The following SHTN1 variants were observed in gnomAD, a reference collection of about 807,000 sequenced individuals.
SHTN1 encodes shootin-1.
Under a neutral mutation model 83.1 loss-of-function variants are expected in SHTN1, and 42 were observed. The ratio of observed to expected loss-of-function variants is 0.51; its 90% CI spans 0.39 to 0.65. The LOEUF (loss-of-function observed/expected upper bound fraction) is 0.65, where lower values mean the gene tolerates loss of function less well. Among genes scored for constraint, SHTN1 ranks in the 30% least tolerant of loss-of-function variants. SHTN1 has a pLI of 0.00. For missense variants in SHTN1, 622 were observed against 737.8 expected, an observed-to-expected ratio of 0.84 and a Z score of 1.82; for synonymous variants, 224 against 247.7, an observed-to-expected ratio of 0.90 and a Z score of 0.90.
chr10:116,948,848 G>A, intron 7 of SHTN1, 68 bp downstream of exon 7: 1 of 1,090,676 alleles, frequency 9.2e-7, no homozygotes, highest in South Asian at 2.4e-5. Context: ...GGTGTAAAAT[G>A]ACACACAATA....
At chr10:116,982,488 A>T (rs1206697914) in intron 1 of SHTN1, among the ~76,000 whole-genome samples, 1 of 152,186 alleles carries the variant, frequency 6.6e-6, no homozygotes, top group Admixed American at 6.5e-5. Context: ...AACTGGCAAA[A>T]ACTGAAGTGA....
chr10:116,912,755 A>T (rs1589800788), intron 13 of SHTN1, among the ~76,000 whole-genome samples: 1 of 152,316 alleles, frequency 6.6e-6, no homozygotes, highest in South Asian at 2.1e-4. Context: ...GGAAACTTGC[A>T]AGACATAGTG....
intron 6 of SHTN1, among the ~76,000 whole-genome samples, chr10:116,949,578 T>A (rs922983957): frequency 6.6e-6 from 1 of 152,226 alleles, no homozygotes; most frequent in Non-Finnish European, 1.5e-5. Context: ...GACAAGTTAA[T>A]GGGTGCAGCA....
Position 116,884,106 on chromosome 10 carries a change from A to G in SHTN1, c.*2238T>C. 2 of 415,472 alleles carry G rather than the reference A, an allele frequency of 4.8e-6. No individual in the cohort carries two copies. The highest frequency in any genetic ancestry group is 9.9e-6 in the Non-Finnish European group (2 of 201,116). 25.7% of individuals were successfully genotyped at this position (415,472 alleles called of 1,614,324 possible). Reference sequence around the variant, plus strand: ...GAAGCATAAATAACCTTTTAGAGAAATCAAAAACATAAAGATGCAGTCTTT... The same window carrying G: ...GAAGCATAAATAACCTTTTAGAGAAGTCAAAAACATAAAGATGCAGTCTTT... On this transcript the variant is annotated 3_prime_UTR_variant, in exon 17 of 17. Transcript: ENST00000355371.
At chr10:116,980,030 G>A (rs984913424) in intron 1 of SHTN1, among the ~76,000 whole-genome samples, 1 of 151,868 alleles carries the variant, frequency 6.6e-6, no homozygotes, top group African/African-American at 2.4e-5. Flanking sequence ...TAGGTAGAGG[G>A]GAAAGTTGTG....
At chr10:117,065,782 A>G (rs1457975313) in intron 1 of SHTN1, among the ~76,000 whole-genome samples, 4 of 12,466 alleles carry the variant, frequency 3.2e-4, no homozygotes, top group South Asian at 0.012. Context: ...GAAAGAAAGA[A>G]AGGAAGGAAG....
intron 2 of SHTN1, among the ~76,000 whole-genome samples, chr10:117,043,439 A>G (rs1343082835): frequency 6.6e-6 from 1 of 152,230 alleles, no homozygotes; most frequent in East Asian, 1.9e-4. Context: ...TTGTACTACA[A>G]TGTTAATATA....
intron 1 of SHTN1, among the ~76,000 whole-genome samples, chr10:116,985,576 C>A (rs916733935): frequency 6.6e-6 from 1 of 152,076 alleles, no homozygotes; most frequent in Admixed American, 6.5e-5. Context: ...TTCACGTGAG[C>A]AAATCATGAA....
At chr10:116,993,762 T>C (rs1051925913) in intron 1 of SHTN1, among the ~76,000 whole-genome samples, 3 of 152,166 alleles carry the variant, frequency 2.0e-5, no homozygotes, top group Non-Finnish European at 4.4e-5. Flanking sequence ...TAAAATAATA[T>C]ATTTTATAAT....
At chr10:117,078,249 A>G (rs1433579918) in intron 1 of SHTN1, among the ~76,000 whole-genome samples, 1 of 152,162 alleles carries the variant, frequency 6.6e-6, no homozygotes, top group Admixed American at 6.6e-5. Context: ...TCTGAAGACA[A>G]AGCACAATCG....
intron 9 of SHTN1, among the ~76,000 whole-genome samples, chr10:116,936,691 C>A (rs959912890): frequency 1.3e-5 from 2 of 152,006 alleles, no homozygotes; most frequent in Admixed American, 1.3e-4. Flanking sequence ...TCTGCTTGGT[C>A]CAGGGCTGAG....
intron 11 of SHTN1, among the ~76,000 whole-genome samples, chr10:116,924,169 T>C (rs1848655661): frequency 6.6e-6 from 1 of 152,300 alleles, no homozygotes; most frequent in Non-Finnish European, 1.5e-5. Flanking sequence ...CTAGAAGTTA[T>C]AAAGAATAAA....
At chr10:117,037,184 G>C (rs990637594) in intron 2 of SHTN1, among the ~76,000 whole-genome samples, 1 of 152,108 alleles carries the variant, frequency 6.6e-6, no homozygotes, top group South Asian at 2.1e-4. Context: ...CATGCCTGTA[G>C]TCCCAGTGCT....
At chr10:116,981,596 T>C (rs962423952) in intron 1 of SHTN1, among the ~76,000 whole-genome samples, 16 of 152,222 alleles carry the variant, frequency 1.1e-4, no homozygotes, top group African/African-American at 2.9e-4. Flanking sequence ...GTATCTTAAA[T>C]TGTTTCAAAA....
At chr10:116,986,821 C>T (rs1405291632) in intron 1 of SHTN1, among the ~76,000 whole-genome samples, 3 of 147,062 alleles carry the variant, frequency 2.0e-5, no homozygotes, top group African/African-American at 5.0e-5. Flanking sequence ...TTCTGCCTTC[C>T]GGGTTCAAGC....
chr10:117,085,361 A>G (rs921213093), intron 1 of SHTN1, among the ~76,000 whole-genome samples: 2 of 152,130 alleles, frequency 1.3e-5, no homozygotes, highest in Non-Finnish European at 2.9e-5. Flanking sequence ...TTAGTTGAAA[A>G]TATTTTTAAA....
chr10:116,897,521 G>T (rs1847565765), intron 16 of SHTN1, among the ~76,000 whole-genome samples: 1 of 152,158 alleles, frequency 6.6e-6, no homozygotes, highest in African/African-American at 2.4e-5. Flanking sequence ...TAAACAACTT[G>T]TCCAAGTCAT....
At chr10:117,070,866 G>A (rs956011724) in intron 1 of SHTN1, among the ~76,000 whole-genome samples, 4 of 151,774 alleles carry the variant, frequency 2.6e-5, no homozygotes, top group Non-Finnish European at 5.9e-5. Context: ...GCCACTCAGG[G>A]GGCATTAAAC....
chr10:117,006,242 T>G (rs539970749), upstream of SHTN1, among the ~76,000 whole-genome samples: 110 of 148,788 alleles, frequency 7.4e-4, 2 homozygotes, highest in South Asian at 0.022. Context: ...TTTTTTTTGT[T>G]TTTTTTTTGT....
Sources: allele counts gnomAD v4.1 joint callset (sites outside exome capture counted in the v4.1 genomes callset), GRCh38; gene constraint gnomAD v4.1.1; transcripts MANE v1.5; gene names NCBI Gene and HGNC (gene_info 2026-07-23, HGNC 2026-07-21).